USP9X: variants seen among roughly 807,000 people sequenced by gnomAD.
The protein encoded by USP9X is ubiquitin specific peptidase 9 X-linked.
Under a neutral mutation model 190.3 loss-of-function variants are expected in USP9X, and 7 were observed. The observed-to-expected ratio is 0.04, with a 90% CI of 0.02 to 0.07. The LOEUF is 0.07. Among genes scored for constraint, USP9X ranks in the 10% least tolerant of loss-of-function variants. The pLI is 1.00. For synonymous variants in USP9X, 645 were observed against 659.5 expected, an observed-to-expected ratio of 0.98 and a Z score of 0.34; for missense variants, 1,010 against 1,916.9, an observed-to-expected ratio of 0.53 and a Z score of 8.83.
chrX:41,218,897 T>TA (rs1187140261), intron 37 of USP9X, among the ~76,000 whole-genome samples: 6 of 112,483 alleles, frequency 5.3e-5, no homozygotes, highest in Non-Finnish European at 9.4e-5. Flanking sequence ...TAGATTTTTT[T>TA]AAAAAATTAC....
At chrX:41,197,915 GA>G (rs1245337285) in intron 29 of USP9X, among the ~76,000 whole-genome samples, 1 of 111,397 alleles carries the variant, frequency 9.0e-6, no homozygotes, top group African/African-American at 3.3e-5. Context: ...TTGAGAGGCT[GA>G]GATGGAAGGA....
At chrX:41,147,172 A>G (rs905722366) in intron 11 of USP9X, among the ~76,000 whole-genome samples, 3 of 109,077 alleles carry the variant, frequency 2.8e-5, no homozygotes, top group Non-Finnish European at 5.7e-5. Flanking sequence ...TTTGATACAG[A>G]AGGTTTTTTT....
intron 16 of USP9X, among the ~76,000 whole-genome samples, chrX:41,166,432 T>C (rs2062679155): frequency 8.9e-6 from 1 of 111,812 alleles, no homozygotes; most frequent in African/African-American, 3.3e-5. Flanking sequence ...CCTTTTGTCT[T>C]AGCTTAGTAT....
chrX:41,121,005 AT>A (rs201533412), intron 1 of USP9X, among the ~76,000 whole-genome samples: 137 of 96,393 alleles, frequency 1.4e-3, no homozygotes, highest in Non-Finnish European at 1.1e-3. Flanking sequence ...TGCCTGGCTA[AT>A]TTTTTTTTTT....
chrX:41,120,566 C>T lies in USP9X; in HGVS notation c.-158-2905C>T, dbSNP rs1371824855. 4.5e-5 allele frequency among the ~76,000 whole-genome samples: 5 copies of T among 110,777 alleles called. No homozygotes were observed. In the East Asian group the frequency reaches 1.1e-3, roughly 25 times the overall value. On this transcript the variant is annotated intron_variant, in intron 1 of 44. Transcript: ENST00000378308. Reference sequence around the variant, plus strand: ...AGGCTGCAGTACAGTGGTGCCATCTCGGCTCACTGCAAGCTCTGCCTCCCA... The same window carrying T: ...AGGCTGCAGTACAGTGGTGCCATCTTGGCTCACTGCAAGCTCTGCCTCCCA...
At chrX:41,122,744 G>A (rs2062201117) in intron 1 of USP9X, among the ~76,000 whole-genome samples, 1 of 111,980 alleles carries the variant, frequency 8.9e-6, no homozygotes, top group Non-Finnish European at 1.9e-5. Flanking sequence ...CAGGTCACAG[G>A]GACTTGAAGG....
rs188704306 is a variant in USP9X at position 41,145,849 on chromosome X, G to A, written c.1419+1223G>A. Among the ~76,000 whole-genome samples, 237 of 111,939 alleles carry A rather than the reference G, an allele frequency of 2.1e-3. 1 individual carries two copies. The highest frequency in any genetic ancestry group is 6.7e-3 in the South Asian group (18 of 2,687). ...TGAAGCCCAAGAGTCTGTATTTTAA[G>A]CAAGTTTCACAGATAAGTCTTAGGG... On this transcript the variant is annotated intron_variant, in intron 11 of 44. Coordinates refer to ENST00000378308, the MANE Select transcript of USP9X (RefSeq NM_001039591.3).
Position 41,216,669 on chromosome X carries a change from T to C in USP9X, c.6085+17T>C. ...CTCCTCCCGGTGAGTATCAAGAGAG[T>C]TTAGCTTCTTAGTAATAAAGAATAA... On this transcript the variant is annotated intron_variant, in intron 35 of 44. Transcript: ENST00000378308. 8.5e-7 allele frequency: 1 copy of C among 1,175,229 alleles called. No homozygotes were observed.
At chrX:41,170,376 C>T in intron 19 of USP9X, 94 bp from the exon 20 acceptor site, 1 of 1,096,230 alleles carries the variant, frequency 9.1e-7, no homozygotes, top group Non-Finnish European at 1.2e-6. Context: ...AGCATGTAGT[C>T]TTTCGGATTT....
chrX:41,131,342 TTTAATA>T (rs2058161183), intron 3 of USP9X, 109 bp from the exon 4 acceptor site: 1 of 528,075 alleles, frequency 1.9e-6, no homozygotes, highest in Non-Finnish European at 2.8e-6. Flanking sequence ...TTAATGTTAT[TTTAATA>T]TTAATATTAA....
intron 1 of USP9X, among the ~76,000 whole-genome samples, chrX:41,107,474 T>TA (rs769511327): frequency 1.8e-5 from 2 of 112,538 alleles, no homozygotes; most frequent in Non-Finnish European, 3.8e-5. Context: ...GTCTTTGTAT[T>TA]TGGCTTTTGA....
At chrX:41,093,058 G>A (rs1425753122) in intron 1 of USP9X, among the ~76,000 whole-genome samples, 1 of 111,227 alleles carries the variant, frequency 9.0e-6, no homozygotes, top group Non-Finnish European at 1.9e-5. Context: ...AGAGAACAGG[G>A]GTTTGACTGT....
At chrX:41,135,776 G>A (rs994796964) in intron 5 of USP9X, among the ~76,000 whole-genome samples, 8 of 109,872 alleles carry the variant, frequency 7.3e-5, no homozygotes, top group Admixed American at 9.6e-5. Context: ...GACTACAGGC[G>A]TGCGCCACCA....
chrX:41,181,923 T>A (rs2062830746), intron 21 of USP9X, among the ~76,000 whole-genome samples: 1 of 111,741 alleles, frequency 8.9e-6, no homozygotes, highest in African/African-American at 3.3e-5. Flanking sequence ...ATGACAAGAT[T>A]ATGACTGGCT....
In USP9X at chrX:41,123,718, G is replaced by C. The variant is rs754357906; in HGVS notation, c.90G>C (p.Gln30His). The change falls in exon 2 of 45, where the codon CAG (glutamine) becomes CAC (histidine). Residue 30 changes from glutamine to histidine, a missense_variant. Physicochemically the swap from Gln to His is conservative, Grantham distance 24 (BLOSUM62 0). Coordinates refer to ENST00000378308, the MANE Select transcript of USP9X (RefSeq NM_001039591.3). ...GACAGTCTCAGCCCCCCCTCCAACA[G>C]AATCAGGTAGGATGTTGAAGATACT... ...PDGQSQPPLQ[Q>H]NQTSSPDSSN... 18 of 1,208,557 alleles carry C rather than the reference G, an allele frequency of 1.5e-5. No homozygotes were observed. Among genetic ancestry groups the C allele is most frequent in the African/African-American group, 1.4e-4 (8 of 57,157 alleles).
chrX:41,149,201 GTATT>G lies in USP9X; in HGVS notation c.1626+631_1626+634del, dbSNP rs200653253. Among the ~76,000 whole-genome samples, 627 of 112,176 alleles carry G rather than the reference GTATT, an allele frequency of 5.6e-3. 2 individuals carry two copies. The highest frequency in any genetic ancestry group is 0.019 in the African/African-American group (576 of 30,917). On this transcript the variant is annotated intron_variant, in intron 12 of 44. Transcript: ENST00000378308. ...ATGTTTACTTGTGACAGTTCGGTAA[GTATT>G]TATTCAGCAAATTAAATAGTAATAA...
At chrX:41,150,104 G>A (rs777228059) in intron 12 of USP9X, among the ~76,000 whole-genome samples, 1 of 109,668 alleles carries the variant, frequency 9.1e-6, no homozygotes, top group Non-Finnish European at 1.9e-5. Flanking sequence ...TGCCGAAAAA[G>A]GAATATCTGT....
chrX:41,102,342 G>T (rs757135899), intron 1 of USP9X, among the ~76,000 whole-genome samples: 3 of 111,857 alleles, frequency 2.7e-5, no homozygotes, highest in Non-Finnish European at 3.8e-5. Context: ...ACTAGACTGG[G>T]TGCAGTGGCT....
At chrX:41,218,346 T>G (rs751061946) in intron 36 of USP9X, 26 bp from the exon 37 acceptor site, 12 of 1,192,428 alleles carry the variant, frequency 1.0e-5, no homozygotes, top group Non-Finnish European at 1.4e-5. Flanking sequence ...GACTTAATAG[T>G]CATAGGTTTT....
Sources: allele counts gnomAD v4.1 joint callset (sites outside exome capture counted in the v4.1 genomes callset), GRCh38; gene constraint gnomAD v4.1.1; transcripts MANE v1.5; gene names NCBI Gene and HGNC (gene_info 2026-07-23, HGNC 2026-07-21).